The following PRR13 variants were observed in gnomAD, a reference collection of about 807,000 sequenced individuals.
PRR13 encodes the protein proline-rich protein 13.
In PRR13, 7 loss-of-function variants were observed where a neutral mutation model predicts 11.5. The observed-to-expected ratio is 0.61, with a 90% confidence interval of 0.34 to 1.14. The LOEUF is 1.14. PRR13 is among the 50% of genes most tolerant of loss of function. The pLI, the probability that PRR13 is intolerant of heterozygous loss-of-function variation, is 0.03. For missense variants in PRR13, 155 were observed against 194.4 expected (o/e 0.80, Z 1.21); for synonymous variants, 53 against 67.8 (o/e 0.78, Z 1.07).
intron 3 of PRR13, chr12:53,444,047 TC>T: frequency 2.0e-6 from 1 of 491,818 alleles, no homozygotes; most frequent in Non-Finnish European, 3.5e-6. Flanking sequence ...TGCCCTACTC[TC>T]CCAGAACTTT....
chr12:53,443,992 G>A (rs1012410134), intron 3 of PRR13: 3 of 646,358 alleles, frequency 4.6e-6, no homozygotes, highest in South Asian at 5.4e-5. Flanking sequence ...GGGGAGTTAG[G>A]GTGAGCCTTA....
chr12:53,446,196 G>T lies in PRR13; in HGVS notation c.*137G>T. Reference sequence around the variant, plus strand: ...TCCACCTGAGCCTCACCCTGCTGTTGAGCCCTGAGTGGCTAGGGGAAATGG... The same window carrying T: ...TCCACCTGAGCCTCACCCTGCTGTTTAGCCCTGAGTGGCTAGGGGAAATGG... On this transcript the variant is annotated 3_prime_UTR_variant, in exon 4 of 4. Transcript: ENST00000429243. 4.8e-6 allele frequency: 7 copies of T among 1,467,726 alleles called. No individual in the cohort carries two copies. The South Asian group carries it at 6.5e-5, about 14-fold the overall frequency. The allele number at this position is 1,467,726 out of a possible 1,614,324, so 90.9% of individuals were successfully genotyped here.
Position 53,443,470 on chromosome 12 carries a change from T to G in PRR13, c.99T>G (p.Asn33Lys), listed in dbSNP as rs1444571819. The change falls in exon 3 of 4, where the codon AAT becomes AAG. Residue 33 changes from asparagine to lysine, a missense_variant. Physicochemically the swap from Asn to Lys is moderately conservative, Grantham distance 94 (BLOSUM62 0). Coordinates refer to ENST00000429243, the MANE Select transcript of PRR13 (RefSeq NM_018457.4). The part of the protein sequence containing the change: ...GSNPAHPPPI[N>K]PPFPPGPCPP... ...ATCCTGCCCACCCACCACCTATTAATCCACCCTTTCCCCCAGGCCCCTGTC... is the reference window on the plus strand; with the variant it reads ...ATCCTGCCCACCCACCACCTATTAAGCCACCCTTTCCCCCAGGCCCCTGTC... The G allele has an allele frequency of 6.9e-7, 1 of 1,449,240 alleles. No individual in the cohort carries two copies. The highest frequency in any genetic ancestry group is 9.1e-7 in the Non-Finnish European group (1 of 1,097,342). The allele number at this position is 1,449,240 out of a possible 1,614,324, so 89.8% of individuals were successfully genotyped here.
At chr12:53,442,828 C>A in intron 2 of PRR13, 95 bp downstream of exon 2, 1 of 1,350,598 alleles carries the variant, frequency 7.4e-7, no homozygotes, top group Non-Finnish European at 1.1e-6. Context: ...CCCCGACCTG[C>A]TGTACCCGCA....
intron 1 of PRR13, 76 bp from the exon 2 acceptor site, chr12:53,442,619 A>G: frequency 7.8e-7 from 1 of 1,287,300 alleles, no homozygotes; most frequent in Non-Finnish European, 1.1e-6. Context: ...GGAAGACGTT[A>G]GGGCTGGGCT....
In PRR13 at chr12:53,446,085, A is replaced by G. The variant is rs900549011; in HGVS notation, c.*26A>G. 14 of 1,565,722 alleles carry G rather than the reference A, an allele frequency of 8.9e-6. No individual in the cohort carries two copies. Among genetic ancestry groups the G allele is most frequent in the African/African-American group, 1.6e-5 (1 of 63,678 alleles). ...ATACAGGCCCTGGACCCTTCCCTCA[A>G]GTCTCACCAGTTCTGCTCTCCCATC... On this transcript the variant is annotated 3_prime_UTR_variant, in exon 4 of 4. Coordinates refer to ENST00000429243, the MANE Select transcript of PRR13 (RefSeq NM_018457.4).
intron 2 of PRR13, 68 bp from the exon 3 acceptor site, chr12:53,443,323 T>G: frequency 7.7e-7 from 1 of 1,294,588 alleles, no homozygotes; most frequent in Non-Finnish European, 1.0e-6. Flanking sequence ...AAGAATCTCT[T>G]TCTTTTTGTT....
Position 53,441,746 on chromosome 12 carries a change from C to T in PRR13, c.-67C>T. ...ACGGGGTCTGGGTGACTAGGAAGAGCCGAGACTGCGAAGGAGAACGCAGCA... is the reference window on the plus strand; with the variant it reads ...ACGGGGTCTGGGTGACTAGGAAGAGTCGAGACTGCGAAGGAGAACGCAGCA... On this transcript the variant is annotated 5_prime_UTR_variant, in exon 1 of 4. Coordinates refer to ENST00000429243, the MANE Select transcript of PRR13 (RefSeq NM_018457.4). The T allele has an allele frequency of 1.4e-6, 1 of 701,222 alleles. No homozygotes were observed. The highest frequency in any genetic ancestry group is 2.6e-6 in the Non-Finnish European group (1 of 384,512). 43.4% of individuals were successfully genotyped at this position (701,222 alleles called of 1,614,324 possible). A position where few individuals can be genotyped will look rare whatever the true frequency, so the allele number is the denominator to read the frequency against.
chr12:53,443,911 T>C, intron 3 of PRR13, 138 bp downstream of exon 3: 3 of 1,071,740 alleles, frequency 2.8e-6, no homozygotes, highest in Non-Finnish European at 4.0e-6. Context: ...TGATTCTTCC[T>C]TTTTATAAAA....
intron 3 of PRR13, chr12:53,444,062 T>TC (rs1488916367): frequency 8.6e-6 from 4 of 466,758 alleles, no homozygotes; most frequent in Non-Finnish European, 1.5e-5. Context: ...GAACTTTTGC[T>TC]CCCCTCCCGC....
chr12:53,442,482 A>G lies in PRR13; in HGVS notation c.-20-213A>G, dbSNP rs1211875392. The G allele has an allele frequency of 5.6e-5, 26 of 465,422 alleles. No homozygotes were observed. The Admixed American group carries it at 9.7e-4, about 17-fold the overall frequency. 28.8% of individuals were successfully genotyped at this position (465,422 alleles called of 1,614,324 possible). On this transcript the variant is annotated intron_variant, in intron 1 of 3. Coordinates refer to ENST00000429243, the MANE Select transcript of PRR13 (RefSeq NM_018457.4). ...CTGGTCTCGAACTCTTGACCTCGTGATCCACCCGCCTCGGCCTCCCAAAGT... is the reference window on the plus strand; with the variant it reads ...CTGGTCTCGAACTCTTGACCTCGTGGTCCACCCGCCTCGGCCTCCCAAAGT...
At position 53,444,475 on chromosome 12, in the gene PRR13, G is replaced by A. The variant is rs550235164; in HGVS notation, c.402+702G>A. ...CTCCCGAGTAGCTGGGACTACAGGC[G>A]CCCGCCACCGCGCCCGGCTAATTCT... On this transcript the variant is annotated intron_variant, in intron 3 of 3. Coordinates refer to ENST00000429243, the MANE Select transcript of PRR13 (RefSeq NM_018457.4). 3.7e-3 allele frequency among the ~76,000 whole-genome samples: 570 copies of A among 152,038 alleles called. 1 individual carries two copies. Among genetic ancestry groups the A allele is most frequent in the Non-Finnish European group, 6.2e-3 (419 of 67,970 alleles).
chr12:53,442,928 C>A, intron 2 of PRR13, 195 bp downstream of exon 2: 1 of 476,292 alleles, frequency 2.1e-6, no homozygotes. Context: ...GTTGCCCAGG[C>A]TCACTGCAAC....
chr12:53,444,398 C>G (rs1254961515), intron 3 of PRR13, among the ~76,000 whole-genome samples: 1 of 150,462 alleles, frequency 6.6e-6, no homozygotes, highest in Admixed American at 6.6e-5. Context: ...GGCACAATCT[C>G]GGCTCACTGC....
rs1050345614 is a variant in PRR13, at chr12:53,443,374, T to C, written c.20-17T>C. On this transcript the variant is annotated splice_polypyrimidine_tract_variant and intron_variant, in intron 2 of 3. Transcript: ENST00000429243. ...CTCTGGGGAATTCTAATGTTTATTC[T>C]CTGCTTCTTCCACCAGGGCAGCCAG... 1.4e-6 allele frequency: 2 copies of C among 1,387,852 alleles called. No homozygotes were observed. The highest frequency in any genetic ancestry group is 1.4e-5 in the African/African-American group (1 of 69,082). The allele number at this position is 1,387,852 out of a possible 1,614,324, so 86.0% of individuals were successfully genotyped here.
intron 3 of PRR13, among the ~76,000 whole-genome samples, chr12:53,445,364 A>AC (rs141408345): frequency 6.6e-6 from 1 of 150,484 alleles, no homozygotes. Flanking sequence ...AAAAAAAAAA[A>AC]GGTCTGAAGA....
chr12:53,442,019 A>G (rs1427838567), intron 1 of PRR13: 1 of 591,006 alleles, frequency 1.7e-6, no homozygotes, highest in African/African-American at 1.9e-5. Flanking sequence ...AGGGAGAGAG[A>G]AAGTTGTTTG....
Position 53,443,414 on chromosome 12 carries a change from C to A in PRR13, c.43C>A (p.Pro15Thr). The stretch of plus-strand genomic sequence containing the variant: ...AGGGCAGCCAGGGCCAAATCCATAT[C>A]CCCCCAATATTGGGTGCCCTGGAGG... ...NAGQPGPNPY[P>T]PNIGCPGGSN... The change falls in exon 3 of 4, where the codon CCC becomes ACC. Residue 15 changes from proline to threonine, a missense_variant. By Grantham distance (38) the Pro-to-Thr change is conservative. Transcript: ENST00000429243. 1.4e-6 allele frequency: 2 copies of A among 1,406,200 alleles called. No individual in the cohort carries two copies. The highest frequency in any genetic ancestry group is 1.8e-5 in the South Asian group (1 of 56,746). 87.1% of individuals were successfully genotyped at this position (1,406,200 alleles called of 1,614,324 possible).
chr12:53,442,326 C>A (rs1940307881), intron 1 of PRR13: 3 of 256,094 alleles, frequency 1.2e-5, no homozygotes, highest in Non-Finnish European at 1.5e-5. Flanking sequence ...CTCACTGCAA[C>A]CTCTGCCTCC....
Sources: allele counts gnomAD v4.1 joint callset (sites outside exome capture counted in the v4.1 genomes callset), GRCh38; gene constraint gnomAD v4.1.1; transcripts MANE v1.5; gene names NCBI Gene and HGNC (gene_info 2026-07-23, HGNC 2026-07-21).